Variants in MAP4K2 observed in about 807,000 individuals in gnomAD.
MAP4K2 encodes mitogen-activated protein kinase kinase kinase kinase 2, also known as B lymphocyte serine/threonine protein kinase.
Under a neutral mutation model 125.3 loss-of-function variants are expected in MAP4K2, and 85 were observed. That is an observed-to-expected ratio of 0.68 (90% CI 0.57 to 0.81). The LOEUF is 0.81. MAP4K2 is among the 40% of genes least tolerant of loss of function. The pLI is 0.00. For missense variants in MAP4K2, 923 were observed against 1,056.4 expected, an observed-to-expected ratio of 0.87 and a Z score of 1.75; for synonymous variants, 479 against 445.1, an observed-to-expected ratio of 1.08 and a Z score of -0.96.
rs559353 is a variant in MAP4K2, at chr11:64,785,575, A to T, written c.*3962T>A. On this transcript the variant is annotated 3_prime_UTR_variant, in exon 32 of 32. Coordinates refer to ENST00000294066, the MANE Select transcript of MAP4K2 (RefSeq NM_004579.5). Reference sequence around the variant, plus strand: ...CGGTGATTACTTTTAAATATTTTTTAAAAATTTTTTTCCTTTTTTTTTTTT... The same window carrying T: ...CGGTGATTACTTTTAAATATTTTTTTAAAATTTTTTTCCTTTTTTTTTTTT... 147,485 of 151,650 alleles carry T rather than the reference A, an allele frequency of 0.97. 71,860 individuals carry two copies. The highest frequency in any genetic ancestry group is 1 in the Middle Eastern group (294 of 294). 9.4% of individuals were successfully genotyped at this position (151,650 alleles called of 1,614,324 possible).
intron 29 of MAP4K2, 89 bp from the exon 30 acceptor site, chr11:64,790,048 C>T (rs1940382706): frequency 6.4e-7 from 1 of 1,553,224 alleles, no homozygotes; most frequent in Non-Finnish European, 8.8e-7. Flanking sequence ...CAGGGGTCCT[C>T]ACTGACCTCA....
At position 64,788,854 on chromosome 11, in the gene MAP4K2, TC is replaced by T. The variant is rs986553079; in HGVS notation, c.*682del. On this transcript the variant is annotated 3_prime_UTR_variant, in exon 32 of 32. Coordinates refer to ENST00000294066, the MANE Select transcript of MAP4K2 (RefSeq NM_004579.5). ...GGGGCAAGGGTGCCCTGGATGAGAG[TC>T]CCTTTGTTGAGGTCCCCCCATCTGC... The T allele has an allele frequency of 3.9e-5, 6 of 152,156 alleles. No homozygotes were observed. The highest frequency in any genetic ancestry group is 1.2e-4 in the African/African-American group (5 of 41,424). The allele number at this position is 152,156 out of a possible 1,614,324, so 9.4% of individuals were successfully genotyped here.
In MAP4K2 at chr11:64,800,962, C is replaced by T. The variant is rs764202925; in HGVS notation, c.600G>A (p.Leu200=). 6.2e-7 allele frequency: 1 copy of T among 1,614,018 alleles called. No homozygotes were observed. The highest frequency in any genetic ancestry group is 8.5e-7 in the Non-Finnish European group (1 of 1,180,000). ...CGCCCAGCTCAATGGCAGTGATGCC[C>T]AGGGCCCAGACGTCACATAGCTCAT... is the stretch of plus-strand genomic sequence containing the variant. ...GYNELCDVWA[L]GITAIELGEL... The change falls in exon 9 of 32, where the codon CTG becomes CTA. Residue 200 remains leucine, a synonymous_variant. Coordinates refer to ENST00000294066, the MANE Select transcript of MAP4K2 (RefSeq NM_004579.5).
chr11:64,792,422 C>A lies in MAP4K2; in HGVS notation c.1752G>T (p.Arg584Ser). 6.3e-7 allele frequency: 1 copy of A among 1,587,384 alleles called. No homozygotes were observed. The highest frequency in any genetic ancestry group is 8.6e-7 in the Non-Finnish European group (1 of 1,166,608). Residue 584 changes from arginine (R) to serine (S), a missense_variant and splice_region_variant, in exon 25 of 32, where the codon AGG becomes AGT. Arg to Ser is a moderately radical substitution (Grantham distance 110, BLOSUM62 -1). Coordinates refer to ENST00000294066, the MANE Select transcript of MAP4K2 (RefSeq NM_004579.5). The part of the protein sequence containing the change: ...TNRLTQRIIP[R>S]RFALSTKIPD... ...GAATCTTGGTGGACAGAGCAAAGCGCCTGTAGGGGTGATAACCAGGGCCTG... is the reference window on the plus strand; with the variant it reads ...GAATCTTGGTGGACAGAGCAAAGCGACTGTAGGGGTGATAACCAGGGCCTG...
chr11:64,801,134 C>A lies in MAP4K2; in HGVS notation c.507G>T (p.Arg169Ser). ...GELTASVAKR[R>S]SFIGTPYWMA... is the part of the protein sequence containing the mutation. ...ACCAGTAGGGAGTCCCAATGAAAGACCTCCTCTTGGCCACAGACGCTGTCA... is the reference window on the plus strand; with the variant it reads ...ACCAGTAGGGAGTCCCAATGAAAGAACTCCTCTTGGCCACAGACGCTGTCA... Residue 169 changes from arginine to serine, a missense_variant, in exon 8 of 32, where the codon AGG becomes AGT. By Grantham distance (110) the Arg-to-Ser change is moderately radical. This residue lies in a region of MAP4K2 where 833 missense variants were observed against 911.4 expected (regional missense o/e 0.91). Transcript: ENST00000294066. 2 of 1,613,572 alleles carry A rather than the reference C, an allele frequency of 1.2e-6. No homozygotes were observed. Among genetic ancestry groups the A allele is most frequent in the Non-Finnish European group, 1.7e-6 (2 of 1,179,970 alleles).
At chr11:64,798,932 C>CAG (rs940152810) in intron 14 of MAP4K2, 95 bp from the exon 15 acceptor site, 1 of 1,044,098 alleles carries the variant, frequency 9.6e-7, no homozygotes, top group Non-Finnish European at 1.4e-6. Context: ...GACAGACAGA[C>CAG]AGACAGACGG....
chr11:64,790,301 G>C (rs771053940), intron 28 of MAP4K2, 27 bp from the exon 29 acceptor site: 1 of 1,613,610 alleles, frequency 6.2e-7, no homozygotes, highest in East Asian at 2.2e-5. Context: ...TTGGTGAGTG[G>C]GGACGGGGAG....
In MAP4K2 at chr11:64,789,206, G is replaced by A. The variant is rs565645345; in HGVS notation, c.*331C>T. The A allele has an allele frequency of 7.9e-5, 31 of 392,348 alleles. No homozygotes were observed. Among genetic ancestry groups the A allele is most frequent in the African/African-American group, 6.3e-4 (31 of 49,248 alleles). The allele number at this position is 392,348 out of a possible 1,614,324, so 24.3% of individuals were successfully genotyped here. A position where few individuals can be genotyped will look rare whatever the true frequency, so the allele number is the denominator to read the frequency against. Reference sequence around the variant, plus strand: ...CCGTGTTTCCCAGGACAAATGCAGGGGCAGGCTCTTGGCAGAAAGAGTAGA... The same window carrying A: ...CCGTGTTTCCCAGGACAAATGCAGGAGCAGGCTCTTGGCAGAAAGAGTAGA... On this transcript the variant is annotated 3_prime_UTR_variant, in exon 32 of 32. Transcript: ENST00000294066.
chr11:64,797,703 CTTTTT>C (rs35199527), intron 15 of MAP4K2, 39 bp from the exon 16 acceptor site: 246 of 1,093,430 alleles, frequency 2.2e-4, no homozygotes, highest in Admixed American at 4.4e-4. Flanking sequence ...TCAACCTTTC[CTTTTT>C]TTTTTTTTTT....
In MAP4K2 at chr11:64,802,157, G is replaced by A. The variant is rs116082891; in HGVS notation, c.311-36C>T. 4.9e-3 allele frequency: 7,768 copies of A among 1,586,590 alleles called. 52 individuals are homozygous for A. Among genetic ancestry groups the A allele is most frequent in the African/African-American group, 0.029 (2,147 of 74,542 alleles). On this transcript the variant is annotated intron_variant, in intron 4 of 31. Transcript: ENST00000294066. ...AAGGGAGAGGCTGGCTTGGGGGCCC[G>A]GGGGTCATGCCCACCCTCCCAGGCT...
At chr11:64,798,704 G>A in intron 15 of MAP4K2, 90 bp downstream of exon 15, 1 of 1,416,854 alleles carries the variant, frequency 7.1e-7, no homozygotes, top group Non-Finnish European at 9.9e-7. Context: ...TAAAGTGCTG[G>A]GATTACAGGC....
chr11:64,790,276 T>C lies in MAP4K2; in HGVS notation c.2162-2A>G. 1 of 1,614,162 alleles carries C rather than the reference T, an allele frequency of 6.2e-7. No individual in the cohort carries two copies. The highest frequency in any genetic ancestry group is 8.5e-7 in the Non-Finnish European group (1 of 1,180,002). On this transcript the variant is annotated splice_acceptor_variant, in intron 28 of 31. Coordinates refer to ENST00000294066, the MANE Select transcript of MAP4K2 (RefSeq NM_004579.5). LOFTEE classifies it high-confidence loss of function. ...GCATGTTGACAATCCTCACACAGCC[T>C]GCACAGGGAAGGAATTGGTGAGTGG... is the stretch of plus-strand genomic sequence containing the variant.
In MAP4K2 at chr11:64,792,410, C is replaced by T. The variant is rs750174626; in HGVS notation, c.1764G>A (p.Leu588=). Residue 588 remains leucine, a synonymous_variant, in exon 25 of 32, where the codon CTG becomes CTA. Transcript: ENST00000294066. ...TQRIIPRRFA[L]STKIPDTKGC... ...CTTTGGTGTCAGGAATCTTGGTGGA[C>T]AGAGCAAAGCGCCTGTAGGGGTGAT... 5 of 1,485,534 alleles carry T rather than the reference C, an allele frequency of 3.4e-6. No homozygotes were observed. The African/African-American group carries it at 7.5e-5, about 22-fold the overall frequency. 92.0% of individuals were successfully genotyped at this position (1,485,534 alleles called of 1,614,324 possible).
At chr11:64,799,243 G>A (rs182887898) in intron 14 of MAP4K2, among the ~76,000 whole-genome samples, 178 bp downstream of exon 14, 40 of 152,332 alleles carry the variant, frequency 2.6e-4, no homozygotes, top group Non-Finnish European at 5.0e-4. Context: ...ACTTGGCCCA[G>A]GAAGGAGCCC....
chr11:64,792,487 C>G (rs1940560724), intron 24 of MAP4K2, 65 bp from the exon 25 acceptor site: 1 of 1,380,128 alleles, frequency 7.2e-7, no homozygotes, highest in Admixed American at 2.0e-5. Context: ...CCTGCAGAGC[C>G]CTATGAGGTG....
chr11:64,801,131 A>C lies in MAP4K2; in HGVS notation c.510T>G (p.Ser170=). 6.2e-7 allele frequency: 1 copy of C among 1,613,550 alleles called. No individual in the cohort carries two copies. Among genetic ancestry groups the C allele is most frequent in the Non-Finnish European group, 8.5e-7 (1 of 1,179,964 alleles). The change falls in exon 8 of 32, where the codon TCT becomes TCG. Residue 170 remains serine (S), a synonymous_variant. Coordinates refer to ENST00000294066, the MANE Select transcript of MAP4K2 (RefSeq NM_004579.5). ...CTCACCAGTAGGGAGTCCCAATGAA[A>C]GACCTCCTCTTGGCCACAGACGCTG... The part of the protein sequence containing the change: ...ELTASVAKRR[S]FIGTPYWMAP...
chr11:64,789,465 C>G lies in MAP4K2; in HGVS notation c.*72G>C, dbSNP rs1436283011. On this transcript the variant is annotated 3_prime_UTR_variant, in exon 32 of 32. Coordinates refer to ENST00000294066, the MANE Select transcript of MAP4K2 (RefSeq NM_004579.5). ...CTGGGCTCCTCTGGTCTAGGATGGG[C>G]CCCTTTGCCCAAAAGGGCCTGCAGC... The G allele has an allele frequency of 2.2e-6, 3 of 1,374,784 alleles. No homozygotes were observed. Among genetic ancestry groups the G allele is most frequent in the Non-Finnish European group, 3.0e-6 (3 of 988,394 alleles). The allele number at this position is 1,374,784 out of a possible 1,614,324, so 85.2% of individuals were successfully genotyped here. A position where few individuals can be genotyped will look rare whatever the true frequency, so the allele number is the denominator to read the frequency against.
At chr11:64,790,000 G>C in intron 29 of MAP4K2, 41 bp from the exon 30 acceptor site, 1 of 1,607,364 alleles carries the variant, frequency 6.2e-7, no homozygotes, top group Non-Finnish European at 8.5e-7. Flanking sequence ...ACCCATCTTG[G>C]CACCCCCTCA....
In MAP4K2 at chr11:64,800,090, T is replaced by G; in HGVS notation, c.915+19A>C. On this transcript the variant is annotated intron_variant, in intron 12 of 31. Transcript: ENST00000294066. ...AAGCAGACCAGCCCAAGACTCACTT[T>G]CCAGCCCCCCTCACCTACCTCCAGC... 6.4e-7 allele frequency: 1 copy of G among 1,568,206 alleles called. No homozygotes were observed. Among genetic ancestry groups the G allele is most frequent in the Non-Finnish European group, 8.7e-7 (1 of 1,154,268 alleles).
Sources: gnomAD v4.1 joint callset for allele counts (sites outside exome capture counted in the v4.1 genomes callset) on GRCh38, gnomAD v4.1.1 for gene constraint, gnomAD v4.1.1 regional missense constraint, MANE v1.5 for transcripts, NCBI Gene and HGNC (gene_info 2026-07-23, HGNC 2026-07-21) for gene names.